The following ARSL variants were observed in gnomAD, a reference collection of about 807,000 sequenced individuals.
ARSL encodes the protein arylsulfatase L.
A neutral mutation model predicts 31.1 loss-of-function variants in ARSL; 4 were observed. That is an observed-to-expected ratio of 0.13 (90% CI 0.06 to 0.29). The LOEUF (loss-of-function observed/expected upper bound fraction) is 0.29. Ranked by LOEUF, ARSL falls within the 10% of genes least tolerant of loss-of-function variation. ARSL has a pLI of 1.00. For missense variants in ARSL, 312 were observed against 497.8 expected (o/e 0.63, Z 3.55); for synonymous variants, 198 against 209.9 (o/e 0.94, Z 0.49).
At chrX:2,961,175 T>C (rs892894017) in intron 1 of ARSL, among the ~76,000 whole-genome samples, 3 of 110,907 alleles carry the variant, frequency 2.7e-5, no homozygotes, top group Non-Finnish European at 5.7e-5. Context: ...CACTTGGAAA[T>C]GTTCTGTCCA....
chrX:2,936,121 G>A (rs2089197460), intron 10 of ARSL, among the ~76,000 whole-genome samples: 1 of 110,017 alleles, frequency 9.1e-6, no homozygotes, highest in Admixed American at 9.8e-5. Flanking sequence ...ATCACTTGAG[G>A]CCAGGGGTTC....
chrX:2,942,126 C>G lies in ARSL; in HGVS notation c.1126+939G>C, dbSNP rs1043639703. 2.7e-5 allele frequency among the ~76,000 whole-genome samples: 3 copies of G among 111,344 alleles called. No individual in the cohort carries two copies. The East Asian group carries it at 8.5e-4, about 32-fold the overall frequency. Reference sequence around the variant, plus strand: ...CCCAGGCCTCTCCTGGGCCTTGAAGCGTGACAAGATAACCAAGGAATTCTT... The same window carrying G: ...CCCAGGCCTCTCCTGGGCCTTGAAGGGTGACAAGATAACCAAGGAATTCTT... On this transcript the variant is annotated intron_variant, in intron 8 of 10. Transcript: ENST00000381134.
intron 5 of ARSL, among the ~76,000 whole-genome samples, chrX:2,952,486 C>T (rs1236023630): frequency 9.0e-6 from 1 of 111,124 alleles, no homozygotes; most frequent in Non-Finnish European, 1.9e-5. Context: ...TTTGTAAGGG[C>T]ACTAATCCCA....
In ARSL at chrX:2,960,519, G is replaced by A. The variant is rs753429608; in HGVS notation, c.-20-99C>T. On this transcript the variant is annotated intron_variant, in intron 1 of 10. Transcript: ENST00000381134. ...AGTAATTAGGGGAACTTTGATTCCC[G>A]TTCATGATATCAATAGCAAAAATAT... 52 of 806,048 alleles carry A rather than the reference G, an allele frequency of 6.5e-5. No homozygotes were observed. The African/African-American group carries it at 8.3e-4, about 13-fold the overall frequency. The allele number at this position is 806,048 out of a possible 1,213,427, so 66.4% of individuals were successfully genotyped here.
At chrX:2,959,702 C>A in intron 2 of ARSL, 2 of 1,148,440 alleles carry the variant, frequency 1.7e-6, no homozygotes, top group Non-Finnish European at 2.3e-6. Flanking sequence ...GGGTCTCATG[C>A]TTCATTCTCC....
chrX:2,960,360 C>T lies in ARSL; in HGVS notation c.23+18G>A. The T allele has an allele frequency of 1.9e-6, 2 of 1,042,913 alleles. No homozygotes were observed. Among genetic ancestry groups the T allele is most frequent in the Non-Finnish European group, 2.7e-6 (2 of 749,182 alleles). The allele number at this position is 1,042,913 out of a possible 1,213,427, so 85.9% of individuals were successfully genotyped here. A position where few individuals can be genotyped will look rare whatever the true frequency, so the allele number is the denominator to read the frequency against. Reference sequence around the variant, plus strand: ...AAAGAAAGGAGACTACTAATGAGTGCATATAATTGTATCTTACCAAGAATG... The same window carrying T: ...AAAGAAAGGAGACTACTAATGAGTGTATATAATTGTATCTTACCAAGAATG... On this transcript the variant is annotated intron_variant, in intron 2 of 10. Transcript: ENST00000381134.
upstream of ARSL, among the ~76,000 whole-genome samples, chrX:2,966,366 C>T (rs936727232): frequency 8.1e-5 from 9 of 110,527 alleles, no homozygotes; most frequent in Non-Finnish European, 1.7e-4. Flanking sequence ...GTCATTTCCT[C>T]GTAGGGGGCC....
At position 2,946,496 on chromosome X, in the gene ARSL, GC is replaced by G. The variant is rs1371730270; in HGVS notation, c.855-363del. ...TGGGGCCACAGGCATGTGCTAACAG[GC>G]CCAGCTAATTTTTTTTTTTTTTTTT... On this transcript the variant is annotated intron_variant, in intron 6 of 10. Coordinates refer to ENST00000381134, the MANE Select transcript of ARSL (RefSeq NM_000047.3). Among the ~76,000 whole-genome samples the G allele has an allele frequency of 2.1e-3, 189 of 89,793 alleles. 2 individuals carry two copies. Among genetic ancestry groups the G allele is most frequent in the African/African-American group, 7.7e-3 (183 of 23,817 alleles). The allele number at this position is 89,793 out of a possible 115,157, so 78.0% of individuals were successfully genotyped here.
chrX:2,960,811 T>C (rs1302945366), intron 1 of ARSL, among the ~76,000 whole-genome samples: 1 of 110,895 alleles, frequency 9.0e-6, no homozygotes, highest in African/African-American at 3.3e-5. Context: ...GCAGGGGTGA[T>C]TCCTAATGTC....
At chrX:2,938,352 A>G (rs1360496729) in intron 8 of ARSL, 95 bp from the exon 9 acceptor site, 3 of 1,085,350 alleles carry the variant, frequency 2.8e-6, no homozygotes, top group Non-Finnish European at 3.7e-6. Context: ...CACTTGTTTG[A>G]AGTTTCTCTC....
chrX:2,956,943 C>T (rs1167661304), intron 3 of ARSL, among the ~76,000 whole-genome samples: 1 of 107,682 alleles, frequency 9.3e-6, no homozygotes, highest in Non-Finnish European at 1.9e-5. Flanking sequence ...ATTAATGTGC[C>T]AGGCGTGGTG....
At chrX:2,935,356 G>A (rs756673695) in intron 10 of ARSL, among the ~76,000 whole-genome samples, 166 bp from the exon 11 acceptor site, 17 of 112,292 alleles carry the variant, frequency 1.5e-4, no homozygotes, top group South Asian at 3.7e-4. Context: ...CTGCAGCTAT[G>A]AGAAGGAATG....
chrX:2,952,255 AT>A (rs1275764668), intron 5 of ARSL, among the ~76,000 whole-genome samples: 4 of 110,203 alleles, frequency 3.6e-5, no homozygotes, highest in South Asian at 3.8e-4. Context: ...ATTTTTTCTT[AT>A]TTTTTTTTAT....
At chrX:2,955,862 A>C (rs1348248603) in intron 3 of ARSL, among the ~76,000 whole-genome samples, 2 of 112,008 alleles carry the variant, frequency 1.8e-5, no homozygotes, top group Admixed American at 9.5e-5. Flanking sequence ...CTGTCTCTAC[A>C]AAAAAATCTA....
rs139364080 is a variant in ARSL, at chrX:2,946,505, ATTTTTTTTTTTTTTT to A, written c.855-386_855-372del. On this transcript the variant is annotated intron_variant, in intron 6 of 10. Transcript: ENST00000381134. ...AGGCATGTGCTAACAGGCCCAGCTA[ATTTTTTTTTTTTTTT>A]TTTTTTTTTTTTGTAGAGACAGGGT... Among the ~76,000 whole-genome samples the A allele has an allele frequency of 8.8e-5, 4 of 45,514 alleles. No individual in the cohort carries two copies. In the East Asian group the frequency reaches 1.9e-3, roughly 21 times the overall value. 39.5% of individuals were successfully genotyped at this position (45,514 alleles called of 115,157 possible). A position where few individuals can be genotyped will look rare whatever the true frequency, so the allele number is the denominator to read the frequency against.
upstream of ARSL, among the ~76,000 whole-genome samples, chrX:2,965,718 T>A (rs1453662709): frequency 9.0e-6 from 1 of 111,118 alleles, no homozygotes; most frequent in Non-Finnish European, 1.9e-5. Flanking sequence ...CTGGCCAACA[T>A]GGCAAAACCC....
At chrX:2,951,406 C>T (rs1184384880) in intron 5 of ARSL, among the ~76,000 whole-genome samples, 2 of 110,196 alleles carry the variant, frequency 1.8e-5, no homozygotes, top group Non-Finnish European at 3.8e-5. Flanking sequence ...TCAACCACCC[C>T]AATGCTGTCT....
chrX:2,950,272 T>C (rs1429519199), intron 5 of ARSL, among the ~76,000 whole-genome samples: 1 of 111,996 alleles, frequency 8.9e-6, no homozygotes, highest in African/African-American at 3.2e-5. Context: ...CATCTTTACT[T>C]GATTATATCT....
intron 10 of ARSL, among the ~76,000 whole-genome samples, chrX:2,935,667 T>TTTTTC (rs200645419): frequency 7.4e-4 from 75 of 101,102 alleles, no homozygotes; most frequent in Middle Eastern, 0.01. Context: ...CTCAGTCAGT[T>TTTTTC]TTTTCTTTTC....
Sources: gnomAD v4.1 joint callset for allele counts (sites outside exome capture counted in the v4.1 genomes callset) on GRCh38, gnomAD v4.1.1 for gene constraint, MANE v1.5 for transcripts, NCBI Gene and HGNC (gene_info 2026-07-23, HGNC 2026-07-21) for gene names.